SCARB1: variants seen among roughly 807,000 people sequenced by gnomAD.
The protein encoded by SCARB1 is scavenger receptor class B member 1, also known as CD36 and LIMPII analogous 1.
In SCARB1, 30 loss-of-function variants were observed where a neutral mutation model predicts 57.2. The observed-to-expected ratio is 0.52, with a 90% CI of 0.39 to 0.71. The LOEUF is 0.71. Among genes scored for constraint, SCARB1 ranks in the 30% least tolerant of loss-of-function variants. The pLI, the probability that SCARB1 is intolerant of heterozygous loss-of-function variation, is 0.00. For synonymous variants in SCARB1, 249 were observed against 268.3 expected, an observed-to-expected ratio of 0.93 and a Z score of 0.70; for missense variants, 543 against 671.2, an observed-to-expected ratio of 0.81 and a Z score of 2.11.
intron 1 of SCARB1, among the ~76,000 whole-genome samples, chr12:124,832,531 A>AC (rs1390066473): frequency 6.6e-6 from 1 of 151,786 alleles, no homozygotes; most frequent in Admixed American, 6.6e-5. Context: ...AAAAAAAAAA[A>AC]ACTGTTCTAA....
At chr12:124,824,258 A>G (rs945496413) in intron 1 of SCARB1, among the ~76,000 whole-genome samples, 2 of 152,212 alleles carry the variant, frequency 1.3e-5, no homozygotes, top group African/African-American at 2.4e-5. Context: ...ACAAACCTCA[A>G]AAACCTGACA....
chr12:124,860,661 G>A (rs962924272), intron 1 of SCARB1, among the ~76,000 whole-genome samples: 1 of 152,190 alleles, frequency 6.6e-6, no homozygotes, highest in African/African-American at 2.4e-5. Flanking sequence ...CTGCTCCCAA[G>A]GCCCCACTTC....
chr12:124,821,938 T>C (rs896992763), intron 1 of SCARB1, among the ~76,000 whole-genome samples: 3 of 152,126 alleles, frequency 2.0e-5, no homozygotes, highest in African/African-American at 7.2e-5. Context: ...GCTGATTCTA[T>C]GATTCTGTCC....
chr12:124,843,441 G>A (rs1007606291), intron 1 of SCARB1, among the ~76,000 whole-genome samples: 2 of 152,060 alleles, frequency 1.3e-5, no homozygotes, highest in Non-Finnish European at 2.9e-5. Context: ...GAAGAACATT[G>A]GCCCCATGTG....
chr12:124,792,321 A>C (rs1004477383), intron 9 of SCARB1, among the ~76,000 whole-genome samples: 1 of 152,040 alleles, frequency 6.6e-6, no homozygotes, highest in African/African-American at 2.4e-5. Context: ...ACTTTCCTGG[A>C]GTGCCTTGTT....
intron 1 of SCARB1, among the ~76,000 whole-genome samples, chr12:124,853,469 A>T (rs1952509620): frequency 1.4e-5 from 2 of 142,540 alleles, no homozygotes; most frequent in South Asian, 4.3e-4. Flanking sequence ...ATCTCGGCTC[A>T]CTGCAACCTC....
Position 124,789,695 on chromosome 12 carries a change from C to A in SCARB1, c.1203-2238G>T, listed in dbSNP as rs1172133687. ...GAAAAAACAAAAACAAATTTTAAAA[C>A]CCTAAAAAAAGAAAAATTAATTTTT... On this transcript the variant is annotated intron_variant, in intron 9 of 12. Coordinates refer to ENST00000261693, the MANE Select transcript of SCARB1 (RefSeq NM_005505.5). The surrounding 1 kb of genome is among the most constrained non-coding windows in gnomAD (Gnocchi z 4.4). Among the ~76,000 whole-genome samples the A allele has an allele frequency of 2.0e-5, 3 of 152,124 alleles. No individual in the cohort carries two copies. The highest frequency in any genetic ancestry group is 4.8e-5 in the African/African-American group (2 of 41,430).
chr12:124,846,729 C>CAAAAA lies in SCARB1; in HGVS notation c.126+16861_126+16865dup, dbSNP rs5801572. 5.6e-4 allele frequency among the ~76,000 whole-genome samples: 26 copies of CAAAAA among 46,022 alleles called. 1 individual carries two copies. The highest frequency in any genetic ancestry group is 1.7e-3 in the South Asian group (1 of 586). The allele number at this position is 46,022 out of a possible 152,430, so 30.2% of individuals were successfully genotyped here. ...CTGGCCACACAGCAAGACTCCATCT[C>CAAAAA]AAAAAAAAAAAAAAAAAAAAAAAAA... On this transcript the variant is annotated intron_variant, in intron 1 of 12. Coordinates refer to ENST00000261693, the MANE Select transcript of SCARB1 (RefSeq NM_005505.5).
chr12:124,809,347 G>A lies in SCARB1; in HGVS notation c.842+827C>T, dbSNP rs374719112. ...CACCTGCAATCCCAGCACTTTGGGA[G>A]GCTGAAGCAGGAAGATCCCTTGAGG... On this transcript the variant is annotated intron_variant, in intron 6 of 12. Coordinates refer to ENST00000261693, the MANE Select transcript of SCARB1 (RefSeq NM_005505.5). 1.6e-4 allele frequency among the ~76,000 whole-genome samples: 24 copies of A among 152,296 alleles called. No homozygotes were observed. In the East Asian group the frequency reaches 1.9e-3, roughly 12 times the overall value.
At chr12:124,838,453 C>G (rs1185735798) in intron 1 of SCARB1, among the ~76,000 whole-genome samples, 1 of 152,158 alleles carries the variant, frequency 6.6e-6, no homozygotes, top group Non-Finnish European at 1.5e-5. Flanking sequence ...GTTACAGGAG[C>G]CTCCCTGAGC....
In SCARB1 at chr12:124,778,374, A is replaced by G. The variant is rs943358614; in HGVS notation, c.*213T>C. 1.1e-4 allele frequency: 132 copies of G among 1,180,958 alleles called. 2 individuals carry two copies. The African/African-American group carries it at 1.9e-3, about 17-fold the overall frequency. The allele number at this position is 1,180,958 out of a possible 1,614,324, so 73.2% of individuals were successfully genotyped here. ...TACAAGTCCCTTCAGCAGCAGCTCC[A>G]TCCCTGAGTGTCTGCACAAGCCTGC... On this transcript the variant is annotated 3_prime_UTR_variant, in exon 13 of 13. Transcript: ENST00000261693.
chr12:124,839,036 G>A (rs1416319136), intron 1 of SCARB1, among the ~76,000 whole-genome samples: 1 of 152,052 alleles, frequency 6.6e-6, no homozygotes, highest in Non-Finnish European at 1.5e-5. Flanking sequence ...GGCTCCAAAA[G>A]TACTGGGATT....
chr12:124,783,203 TGAG>T (rs1949380803), intron 11 of SCARB1: 1 of 221,012 alleles, frequency 4.5e-6, no homozygotes, highest in South Asian at 7.1e-5. Context: ...AAGAATGACT[TGAG>T]AAGAAAAAAT....
Position 124,800,566 on chromosome 12 carries a change from G to A in SCARB1, c.1010-324C>T, listed in dbSNP as rs1950093592. Among the ~76,000 whole-genome samples, 1 of 152,214 alleles carries A rather than the reference G, an allele frequency of 6.6e-6. No homozygotes were observed. The highest frequency in any genetic ancestry group is 2.4e-5 in the African/African-American group (1 of 41,446). On this transcript the variant is annotated intron_variant, in intron 7 of 12. Transcript: ENST00000261693. The surrounding 1 kb of genome is among the most constrained non-coding windows in gnomAD (Gnocchi z 4.8). ...GGTGGAAGGGAAGGCAGAAGCAAGC[G>A]TGGGGAGGGGGAAATGCATGGTGCA...
chr12:124,794,565 C>A (rs2135575625), intron 9 of SCARB1, among the ~76,000 whole-genome samples: 1 of 152,160 alleles, frequency 6.6e-6, no homozygotes, highest in East Asian at 1.9e-4. Flanking sequence ...TTCATTTCTG[C>A]CACTCTGTCG....
At chr12:124,799,547 T>G (rs1950064566) in intron 8 of SCARB1, among the ~76,000 whole-genome samples, 1 of 151,848 alleles carries the variant, frequency 6.6e-6, no homozygotes. Flanking sequence ...ATAATTTTGT[T>G]AAAGGCCCAT....
chr12:124,791,782 C>T (rs1949738917), intron 9 of SCARB1, among the ~76,000 whole-genome samples: 2 of 152,004 alleles, frequency 1.3e-5, no homozygotes, highest in Non-Finnish European at 2.9e-5. Flanking sequence ...ACAGTGAAAC[C>T]CCGTCTCTAC....
rs1594153809 is a variant in SCARB1 at position 124,777,121 on chromosome 12, T to C, written c.*1466A>G. ...TAAATACTGATGAAATGGTCTCATA[T>C]TCAAACATCAACGATGATGACAATC... On this transcript the variant is annotated 3_prime_UTR_variant, in exon 13 of 13. Coordinates refer to ENST00000261693, the MANE Select transcript of SCARB1 (RefSeq NM_005505.5). The C allele has an allele frequency of 6.6e-6, 1 of 152,204 alleles. No individual in the cohort carries two copies. The highest frequency in any genetic ancestry group is 6.5e-5 in the Admixed American group (1 of 15,280). 9.4% of individuals were successfully genotyped at this position (152,204 alleles called of 1,614,324 possible).
chr12:124,801,894 T>A (rs1233746011), intron 7 of SCARB1, among the ~76,000 whole-genome samples: 16 of 150,878 alleles, frequency 1.1e-4, no homozygotes, highest in Non-Finnish European at 2.1e-4. Context: ...CTCACGCCTG[T>A]AATCCCAGCA....
Sources: gnomAD v4.1 joint callset for allele counts (sites outside exome capture counted in the v4.1 genomes callset) on GRCh38, gnomAD v4.1.1 for gene constraint, Gnocchi (gnomAD v3.1) non-coding constraint, MANE v1.5 for transcripts, NCBI Gene and HGNC (gene_info 2026-07-23, HGNC 2026-07-21) for gene names.